IL31RA: variants seen among roughly 807,000 people sequenced by gnomAD.
The protein encoded by IL31RA is interleukin-31 receptor subunit alpha.
A neutral mutation model predicts 83.7 loss-of-function variants in IL31RA; 66 were observed. The ratio of observed to expected loss-of-function variants is 0.79; its 90% confidence interval spans 0.65 to 0.97. The LOEUF (loss-of-function observed/expected upper bound fraction) is 0.97. Ranked by LOEUF, IL31RA falls within the 50% of genes least tolerant of loss-of-function variation. The pLI is 0.00. For missense variants in IL31RA, 798 were observed against 919.4 expected, an observed-to-expected ratio of 0.87 and a Z score of 1.71; for synonymous variants, 325 against 329.0, an observed-to-expected ratio of 0.99 and a Z score of 0.13.
At chr5:55,889,566 A>G (rs992894018) in intron 5 of IL31RA, among the ~76,000 whole-genome samples, 1 of 152,244 alleles carries the variant, frequency 6.6e-6, no homozygotes, top group African/African-American at 2.4e-5. Context: ...CATTTGATGC[A>G]GCTAAGGTCT....
chr5:55,839,808 C>G, the IL31RA span: 2 of 764,998 alleles, frequency 2.6e-6, no homozygotes, highest in South Asian at 2.7e-5. Flanking sequence ...GTTTCTCTGT[C>G]CTTTTTCAGG....
intron 4 of IL31RA, among the ~76,000 whole-genome samples, chr5:55,877,353 C>A (rs571152360): frequency 6.6e-6 from 1 of 152,154 alleles, no homozygotes; most frequent in Non-Finnish European, 1.5e-5. Context: ...CTTTTAAATT[C>A]TTTGGAAAAT....
chr5:55,883,963 G>C (rs1023075810), intron 5 of IL31RA, among the ~76,000 whole-genome samples: 1 of 152,114 alleles, frequency 6.6e-6, no homozygotes, highest in Non-Finnish European at 1.5e-5. Flanking sequence ...CATTTTCATT[G>C]CTGTGTAGTA....
At position 55,872,360 on chromosome 5, in the gene IL31RA, G is replaced by T. The variant is rs758009076; in HGVS notation, c.363G>T (p.Thr121=). 6.2e-7 allele frequency: 1 copy of T among 1,610,440 alleles called. No individual in the cohort carries two copies. The highest frequency in any genetic ancestry group is 2.2e-5 in the East Asian group (1 of 44,822). Reference sequence around the variant, plus strand: ...GCTCTTTTTTCCTTCCAAGAATAACGATCCCAGATAATTATACCATTGAGG... The same window carrying T: ...GCTCTTTTTTCCTTCCAAGAATAACTATCCCAGATAATTATACCATTGAGG... ...ASCSFFLPRI[T]IPDNYTIEVE... is the part of the protein sequence containing the mutation. Residue 121 remains threonine, a synonymous_variant, in exon 4 of 15, where the codon ACG becomes ACT. Coordinates refer to ENST00000652347, the MANE Select transcript of IL31RA (RefSeq NM_139017.7).
At chr5:55,911,781 C>T (rs1749515928) in intron 12 of IL31RA, among the ~76,000 whole-genome samples, 1 of 152,148 alleles carries the variant, frequency 6.6e-6, no homozygotes, top group Admixed American at 6.6e-5. Context: ...AAAGAATGAA[C>T]AACGCTTTTT....
rs1212377950 is a variant in IL31RA, at chr5:55,903,245, A to C, written c.1070-2861A>C. On this transcript the variant is annotated intron_variant, in intron 8 of 14. Coordinates refer to ENST00000652347, the MANE Select transcript of IL31RA (RefSeq NM_139017.7). The surrounding 1 kb of genome is among the most constrained non-coding windows in gnomAD (Gnocchi z 4.7). ...GAGGAAGATGGGCCCAAGTTGGGGC[A>C]GAGCTCAGGATGGGCCAGGACGGTT... Among the ~76,000 whole-genome samples the C allele has an allele frequency of 6.6e-6, 1 of 152,252 alleles. No homozygotes were observed. The highest frequency in any genetic ancestry group is 1.5e-5 in the Non-Finnish European group (1 of 68,048).
chr5:55,868,650 T>C, intron 2 of IL31RA, 141 bp from the exon 3 acceptor site: 1 of 739,160 alleles, frequency 1.4e-6, no homozygotes, highest in Non-Finnish European at 2.5e-6. Context: ...TTGAACCTGA[T>C]TGCTAGGTTA....
chr5:55,913,343 AG>A (rs974898085), intron 12 of IL31RA, 133 bp from the exon 13 acceptor site: 12 of 709,334 alleles, frequency 1.7e-5, no homozygotes, highest in Admixed American at 8.9e-5. Flanking sequence ...TTTAGTGGAA[AG>A]AAATTGAATT....
the IL31RA span, among the ~76,000 whole-genome samples, chr5:55,845,019 T>C: frequency 3.9e-5 from 6 of 152,368 alleles, no homozygotes; most frequent in African/African-American, 1.4e-4. Context: ...GCAAATTGTC[T>C]ACTTTTTCCA....
Position 55,851,541 on chromosome 5 carries a change from G to A in IL31RA, c.-30G>A, listed in dbSNP as rs9687963. 0.012 allele frequency: 18,647 copies of A among 1,614,002 alleles called. 264 individuals are homozygous for A. Among genetic ancestry groups the A allele is most frequent in the South Asian group, 0.05 (4,525 of 91,074 alleles). ...GTATGAAAATTGAGACAGGAAGGCA[G>A]AGTGTCAGCTTGTTCCACCTCAGCT... On this transcript the variant is annotated 5_prime_UTR_variant, in exon 1 of 15. Coordinates refer to ENST00000652347, the MANE Select transcript of IL31RA (RefSeq NM_139017.7).
chr5:55,882,915 G>T, intron 4 of IL31RA, 129 bp from the exon 5 acceptor site: 1 of 834,474 alleles, frequency 1.2e-6, no homozygotes, highest in Non-Finnish European at 2.0e-6. Flanking sequence ...GTACTGCCTT[G>T]CAAATGCCAT....
intron 9 of IL31RA, 102 bp downstream of exon 9, chr5:55,906,390 T>A: frequency 9.2e-7 from 1 of 1,084,276 alleles, no homozygotes; most frequent in Non-Finnish European, 1.4e-6. Flanking sequence ...TTAGTGTGGT[T>A]AATAGCATTT....
At position 55,868,849 on chromosome 5, in the gene IL31RA, C is replaced by A. The variant is rs377423005; in HGVS notation, c.213C>A (p.Thr71=). Residue 71 remains threonine (T), a synonymous_variant, in exon 3 of 15, where the codon ACC becomes ACA. Coordinates refer to ENST00000652347, the MANE Select transcript of IL31RA (RefSeq NM_139017.7). ...SCVYYYRKNL[T]CTWSPGKETS... The stretch of plus-strand genomic sequence containing the variant: ...TCTACTACTATAGGAAAAATTTAAC[C>A]TGCACTTGGAGTCCAGGAAAGGAAA... 6.2e-7 allele frequency: 1 copy of A among 1,611,256 alleles called. No homozygotes were observed.
In IL31RA at chr5:55,921,325, T is replaced by C. The variant is rs1304252815; in HGVS notation, c.*4205T>C. ...TGAATACATTATGTTCTCCCATATA[T>C]AAAAATTCATGCATGAGCAAAGCAT... On this transcript the variant is annotated 3_prime_UTR_variant, in exon 15 of 15. Transcript: ENST00000652347. Among the ~76,000 whole-genome samples the C allele has an allele frequency of 6.6e-6, 1 of 152,206 alleles. No individual in the cohort carries two copies. The highest frequency in any genetic ancestry group is 1.5e-5 in the Non-Finnish European group (1 of 68,038).
chr5:55,853,276 T>C, intron 1 of IL31RA: 1 of 1,179,334 alleles, frequency 8.5e-7, no homozygotes, highest in Non-Finnish European at 1.0e-6. Flanking sequence ...AGATGATCCT[T>C]TTTTTTTGTA....
chr5:55,844,367 G>C, the IL31RA span, among the ~76,000 whole-genome samples: 1 of 152,086 alleles, frequency 6.6e-6, no homozygotes, highest in East Asian at 1.9e-4. Context: ...AATAATATGA[G>C]TCAGAAACTC....
At chr5:55,842,309 A>G in the IL31RA span, among the ~76,000 whole-genome samples, 2 of 152,106 alleles carry the variant, frequency 1.3e-5, no homozygotes, top group Non-Finnish European at 2.9e-5. Context: ...ATCAGCAAAG[A>G]CTCAATTCCA....
intron 10 of IL31RA, among the ~76,000 whole-genome samples, chr5:55,907,834 G>A (rs994411918): frequency 1.3e-5 from 2 of 152,170 alleles, no homozygotes; most frequent in African/African-American, 4.8e-5. Flanking sequence ...TAATTATGTA[G>A]CAATAAGCAA....
At position 55,898,246 on chromosome 5, in the gene IL31RA, G is replaced by A. The variant is rs1148041; in HGVS notation, c.853-1670G>A. On this transcript the variant is annotated intron_variant, in intron 7 of 14. Transcript: ENST00000652347. Reference sequence around the variant, plus strand: ...CGAAGGGCCAAGTAGGGCAGCTTGCGAAGTAGAGAAGATGGATTTCAGTGC... The same window carrying A: ...CGAAGGGCCAAGTAGGGCAGCTTGCAAAGTAGAGAAGATGGATTTCAGTGC... 4.9e-3 allele frequency among the ~76,000 whole-genome samples: 746 copies of A among 152,316 alleles called. 3 individuals are homozygous for A. The highest frequency in any genetic ancestry group is 7.1e-3 in the Non-Finnish European group (486 of 68,028).
Sources: allele counts gnomAD v4.1 joint callset (sites outside exome capture counted in the v4.1 genomes callset), GRCh38; gene constraint gnomAD v4.1.1; non-coding constraint Gnocchi (gnomAD v3.1); transcripts MANE v1.5; gene names NCBI Gene and HGNC (gene_info 2026-07-23, HGNC 2026-07-21).